Variants in INO80D observed in about 807,000 individuals in gnomAD.
The protein encoded by INO80D is INO80 complex subunit D.
INO80D carries 21 observed loss-of-function variants against 87.6 expected under a neutral mutation model. That is an observed-to-expected ratio of 0.24 (90% CI 0.17 to 0.35). INO80D has a LOEUF of 0.35. Ranked by LOEUF, INO80D falls within the 10% of genes least tolerant of loss-of-function variation. INO80D has a pLI of 1.00. For missense variants in INO80D, 982 were observed against 1,280.7 expected (o/e 0.77, Z 3.56); for synonymous variants, 440 against 491.0 (o/e 0.90, Z 1.37).
At chr2:206,025,542 A>AAAAAAAAAAAAAAAAAAATATATAT (rs71301548) in intron 6 of INO80D, 2 of 76,934 alleles carry the variant, frequency 2.6e-5, no homozygotes, top group Admixed American at 2.0e-4. Flanking sequence ...AAAAAAAAAA[A>AAAAAAAAAAAAAAAAAAATATATAT]ATATATATAT....
chr2:206,026,308 G>T (rs1688614320), intron 6 of INO80D, among the ~76,000 whole-genome samples: 1 of 152,110 alleles, frequency 6.6e-6, no homozygotes. Flanking sequence ...GACTTTGGGA[G>T]GCCAAGGTGG....
At chr2:206,031,711 G>C (rs9630997) in intron 5 of INO80D, among the ~76,000 whole-genome samples, 24 of 152,172 alleles carry the variant, frequency 1.6e-4, no homozygotes, top group Admixed American at 7.9e-4. Context: ...GCTCCAACTC[G>C]GACAGACAGA....
At chr2:206,046,707 C>G (rs1474703210) in intron 4 of INO80D, 95 bp from the exon 5 acceptor site, 7 of 733,038 alleles carry the variant, frequency 9.5e-6, no homozygotes, top group Non-Finnish European at 1.7e-5. Context: ...ACCCAACATA[C>G]CTATTGCAAG....
intron 10 of INO80D, among the ~76,000 whole-genome samples, chr2:206,006,818 G>A (rs13426463): frequency 0.02 from 3,037 of 152,088 alleles, 91 homozygotes; most frequent in African/African-American, 0.068. Context: ...AGGCCAAGGC[G>A]GGTGGATCAC....
intron 3 of INO80D, among the ~76,000 whole-genome samples, chr2:206,059,012 G>T (rs974171849): frequency 6.6e-6 from 1 of 150,888 alleles, no homozygotes; most frequent in Non-Finnish European, 1.5e-5. Context: ...ATCCCTTGAG[G>T]CCAGGAGTTC....
intron 8 of INO80D, among the ~76,000 whole-genome samples, chr2:206,017,399 T>C (rs990955265): frequency 2.0e-5 from 3 of 152,232 alleles, no homozygotes; most frequent in African/African-American, 7.2e-5. Context: ...CTAGAAAGGC[T>C]GGGCCTTCGA....
At chr2:206,044,623 G>A (rs1373800744) in intron 5 of INO80D, among the ~76,000 whole-genome samples, 1 of 151,876 alleles carries the variant, frequency 6.6e-6, no homozygotes, top group African/African-American at 2.4e-5. Context: ...AAATGAGGAT[G>A]GCCACAAATC....
intron 4 of INO80D, among the ~76,000 whole-genome samples, chr2:206,048,580 A>G (rs1241564927): frequency 6.6e-6 from 1 of 152,134 alleles, no homozygotes; most frequent in Non-Finnish European, 1.5e-5. Context: ...TCCTGCCATA[A>G]AAGTTTTACC....
intron 1 of INO80D, among the ~76,000 whole-genome samples, chr2:206,065,440 G>C (rs1260283067): frequency 6.6e-6 from 1 of 152,164 alleles, no homozygotes; most frequent in Non-Finnish European, 1.5e-5. Flanking sequence ...CTGCACTCCA[G>C]TCTGGGCAAC....
intron 4 of INO80D, among the ~76,000 whole-genome samples, chr2:206,055,487 A>T (rs1356745359): frequency 1.3e-5 from 2 of 152,244 alleles, no homozygotes; most frequent in Admixed American, 6.5e-5. Flanking sequence ...AACTGTCAGC[A>T]GATATCAACA....
Position 206,085,880 on chromosome 2 carries a change from C to T in INO80D, c.-124+21G>A, listed in dbSNP as rs1690454287. 1 of 152,304 alleles carries T rather than the reference C, an allele frequency of 6.6e-6. No individual in the cohort carries two copies. Among genetic ancestry groups the T allele is most frequent in the Non-Finnish European group, 1.5e-5 (1 of 68,186 alleles). The allele number at this position is 152,304 out of a possible 1,614,324, so 9.4% of individuals were successfully genotyped here. ...CGGGAGCCCGGGGATGTGGGCCGGGCCTGGGGCCGCCTCTGCTTACCTTTC... is the reference window on the plus strand; with the variant it reads ...CGGGAGCCCGGGGATGTGGGCCGGGTCTGGGGCCGCCTCTGCTTACCTTTC... On this transcript the variant is annotated intron_variant, in intron 1 of 10. Coordinates refer to ENST00000403263, the MANE Select transcript of INO80D (RefSeq NM_017759.5). The surrounding 1 kb of genome is among the most constrained non-coding windows in gnomAD (Gnocchi z 4.5).
In INO80D at chr2:206,063,019, C is replaced by A; in HGVS notation, c.-3G>T. 1 of 1,600,882 alleles carries A rather than the reference C, an allele frequency of 6.2e-7. No homozygotes were observed. Among genetic ancestry groups the A allele is most frequent in the African/African-American group, 1.3e-5 (1 of 74,606 alleles). On this transcript the variant is annotated 5_prime_UTR_variant, in exon 3 of 11. Coordinates refer to ENST00000403263, the MANE Select transcript of INO80D (RefSeq NM_017759.5). ...TGTATATGTTTCCCTTCATACATCA[C>A]GTGACTCTATTCCTTGTGAACATCA... is the stretch of plus-strand genomic sequence containing the variant.
At position 206,063,121 on chromosome 2, in the gene INO80D, A is replaced by T. The variant is rs1177884234; in HGVS notation, c.-30+30T>A. 4 of 775,946 alleles carry T rather than the reference A, an allele frequency of 5.2e-6. No homozygotes were observed. In the African/African-American group the frequency reaches 7.1e-5, roughly 14 times the overall value. The allele number at this position is 775,946 out of a possible 1,614,324, so 48.1% of individuals were successfully genotyped here. ...AAGGCAGATTTAAGTTGAGAATTTC[A>T]CTGAGGGACTTCTGGCCCCACAGCC... is the stretch of plus-strand genomic sequence containing the variant. On this transcript the variant is annotated intron_variant, in intron 2 of 10. Transcript: ENST00000403263.
chr2:206,064,557 T>C (rs112304000), intron 1 of INO80D, among the ~76,000 whole-genome samples: 9 of 152,350 alleles, frequency 5.9e-5, no homozygotes, highest in African/African-American at 1.7e-4. Flanking sequence ...GAACAAATCA[T>C]TTAACCTATT....
At chr2:206,012,731 C>T (rs532031711) in intron 8 of INO80D, among the ~76,000 whole-genome samples, 80 of 151,880 alleles carry the variant, frequency 5.3e-4, no homozygotes, top group African/African-American at 1.5e-3. Flanking sequence ...TAACTGGGCA[C>T]GGTGGCACAC....
In INO80D at chr2:205,994,819, A is replaced by G. The variant is rs1464695403; in HGVS notation, c.*9549T>C. On this transcript the variant is annotated 3_prime_UTR_variant, in exon 11 of 11. Transcript: ENST00000403263. The stretch of plus-strand genomic sequence containing the variant: ...ATTGATGTACTAATGAAAAATACCT[A>G]AACTGTGGGGAATAAGAATTAAATC... 1 of 151,712 alleles carries G rather than the reference A, an allele frequency of 6.6e-6. No individual in the cohort carries two copies. Among genetic ancestry groups the G allele is most frequent in the African/African-American group, 2.4e-5 (1 of 41,298 alleles). 9.4% of individuals were successfully genotyped at this position (151,712 alleles called of 1,614,324 possible).
At chr2:206,043,198 C>T (rs1365410567) in intron 5 of INO80D, among the ~76,000 whole-genome samples, 1 of 151,798 alleles carries the variant, frequency 6.6e-6, no homozygotes, top group African/African-American at 2.4e-5. Context: ...TTGAGACAGA[C>T]TCTCACTCTG....
At chr2:206,077,353 C>A (rs1413110873) in intron 1 of INO80D, among the ~76,000 whole-genome samples, 113 of 147,728 alleles carry the variant, frequency 7.6e-4, no homozygotes, top group African/African-American at 2.1e-3. Context: ...AAAAAAAAAA[C>A]AAACTACCAT....
At chr2:206,036,355 A>G (rs1014818989) in intron 5 of INO80D, among the ~76,000 whole-genome samples, 2 of 152,176 alleles carry the variant, frequency 1.3e-5, no homozygotes, top group Non-Finnish European at 2.9e-5. Context: ...CCATCAGTCA[A>G]CGAGTGGATA....
Sources: gnomAD v4.1 joint callset for allele counts (sites outside exome capture counted in the v4.1 genomes callset) on GRCh38, gnomAD v4.1.1 for gene constraint, Gnocchi (gnomAD v3.1) non-coding constraint, MANE v1.5 for transcripts, NCBI Gene and HGNC (gene_info 2026-07-23, HGNC 2026-07-21) for gene names.